GSK3A: variants seen among roughly 807,000 people sequenced by gnomAD.
The protein encoded by GSK3A is glycogen synthase kinase-3 alpha.
Under a neutral mutation model 56.6 loss-of-function variants are expected in GSK3A, and 14 were observed. The ratio of observed to expected loss-of-function variants is 0.25; its 90% CI spans 0.16 to 0.39. The LOEUF (loss-of-function observed/expected upper bound fraction) is 0.39, where lower values mean the gene tolerates loss of function less well. GSK3A is among the 10% of genes least tolerant of loss of function. The pLI, the probability that GSK3A is intolerant of heterozygous loss-of-function variation, is 1.00. For synonymous variants in GSK3A, 301 were observed against 285.0 expected, an observed-to-expected ratio of 1.06 and a Z score of -0.56; for missense variants, 450 against 656.0, an observed-to-expected ratio of 0.69 and a Z score of 3.43.
intron 8 of GSK3A, 131 bp from the exon 9 acceptor site, chr19:42,232,813 G>A (rs1000117264): frequency 1.3e-6 from 1 of 771,906 alleles, no homozygotes; most frequent in Non-Finnish European, 2.0e-6. Flanking sequence ...TCCAAATGAA[G>A]AAACTAAGGC....
rs1422015490 is a variant in GSK3A at position 42,232,559 on chromosome 19, A to G, written c.1222T>C (p.Cys408Arg). The change falls in exon 9 of 11, where the codon TGT becomes CGT. Residue 408 changes from cysteine to arginine, a missense_variant. Physicochemically the swap from Cys to Arg is radical, Grantham distance 180. Around this residue, in one of 3 missense-constraint regions of GSK3A, gnomAD observed 113 missense variants for 147.5 expected, o/e 0.77. Coordinates refer to ENST00000222330, the MANE Select transcript of GSK3A (RefSeq NM_019884.3). ...CAHSFFDELRCLGTQLPNNRP... is the reference protein window; with the variant it reads ...CAHSFFDELRRLGTQLPNNRP... ...TTGTTAGGCAGCTGGGTTCCCAGAC[A>G]TCGCAGTTCATCAAAGAAGCTGTGC... is the stretch of plus-strand genomic sequence containing the variant. 4.3e-6 allele frequency: 7 copies of G among 1,614,180 alleles called. No homozygotes were observed. In the Admixed American group the frequency reaches 8.3e-5, roughly 19 times the overall value.
At position 42,236,985 on chromosome 19, in the gene GSK3A, G is replaced by A. The variant is rs75431793; in HGVS notation, c.472-44C>T. 707 of 1,334,998 alleles carry A rather than the reference G, an allele frequency of 5.3e-4. 1 individual carries two copies. In the African/African-American group the frequency reaches 8.5e-3, roughly 16 times the overall value. 82.7% of individuals were successfully genotyped at this position (1,334,998 alleles called of 1,614,324 possible). On this transcript the variant is annotated intron_variant, in intron 2 of 10. Transcript: ENST00000222330. The stretch of plus-strand genomic sequence containing the variant: ...GTCTCAGAATACAACCAACTCTCTC[G>A]GCTGCTCCTCCCTACTCACACTCAC...
chr19:42,242,468 C>A lies in GSK3A; in HGVS notation c.-3G>T. ...CCCGAAGGCCCGCCGCCGCTCATGG[C>A]GCCGAGCACAGGCCCAGGCTGCGGG... is the stretch of plus-strand genomic sequence containing the variant. On this transcript the variant is annotated 5_prime_UTR_variant, in exon 1 of 11. Coordinates refer to ENST00000222330, the MANE Select transcript of GSK3A (RefSeq NM_019884.3). 1.1e-5 allele frequency: 13 copies of A among 1,216,648 alleles called. No individual in the cohort carries two copies. Among genetic ancestry groups the A allele is most frequent in the Non-Finnish European group, 1.3e-5 (13 of 978,636 alleles). 75.4% of individuals were successfully genotyped at this position (1,216,648 alleles called of 1,614,324 possible).
intron 1 of GSK3A, chr19:42,240,797 A>G (rs1392754417): frequency 6.6e-6 from 1 of 152,618 alleles, no homozygotes; most frequent in Non-Finnish European, 1.5e-5. Context: ...ACCCCTCACT[A>G]TATGTGGGTG....
chr19:42,235,916 A>G (rs773329229), intron 4 of GSK3A, among the ~76,000 whole-genome samples: 75 of 152,182 alleles, frequency 4.9e-4, no homozygotes, highest in Non-Finnish European at 8.8e-4. Flanking sequence ...CCACTGGTAG[A>G]GCCCACGTCG....
At position 42,234,179 on chromosome 19, in the gene GSK3A, G is replaced by A. The variant is rs1599810451; in HGVS notation, c.904+174C>T. Among the ~76,000 whole-genome samples, 1 of 152,302 alleles carries A rather than the reference G, an allele frequency of 6.6e-6. No individual in the cohort carries two copies. Among genetic ancestry groups the A allele is most frequent in the East Asian group, 1.9e-4 (1 of 5,178 alleles). Reference sequence around the variant, plus strand: ...GCCAGTGCGGGCAGGCGGCCTCACAGCTCTAAGCTCATCTGTAAAATTAGC... The same window carrying A: ...GCCAGTGCGGGCAGGCGGCCTCACAACTCTAAGCTCATCTGTAAAATTAGC... On this transcript the variant is annotated intron_variant, in intron 6 of 10. Transcript: ENST00000222330. The surrounding 1 kb of genome is among the most constrained non-coding windows in gnomAD (Gnocchi z 5.7).
rs1249759139 is a variant in GSK3A, at chr19:42,242,549, C to T, written c.-84G>A. The T allele has an allele frequency of 1.0e-6, 1 of 961,238 alleles. No individual in the cohort carries two copies. The highest frequency in any genetic ancestry group is 1.3e-6 in the Non-Finnish European group (1 of 796,226). The allele number at this position is 961,238 out of a possible 1,614,324, so 59.5% of individuals were successfully genotyped here. A position where few individuals can be genotyped will look rare whatever the true frequency, so the allele number is the denominator to read the frequency against. On this transcript the variant is annotated 5_prime_UTR_variant, in exon 1 of 11. Transcript: ENST00000222330. ...GCCGCTGCCGCCGCCTCCCCCGGGC[C>T]CTGGCCTCTTCCAGGCCGCGCCGCT...
At position 42,238,484 on chromosome 19, in the gene GSK3A, G is replaced by A. The variant is rs568205205; in HGVS notation, c.471+1471C>T. Among the ~76,000 whole-genome samples, 79 of 151,678 alleles carry A rather than the reference G, an allele frequency of 5.2e-4. 3 individuals are homozygous for A. The highest frequency in any genetic ancestry group is 3.6e-3 in the Admixed American group (55 of 15,224). ...TAGCCGAGAGTGGTGGCACACGCCT[G>A]TAGTCCCAGCTACTAGGGAGGCTGA... is the stretch of plus-strand genomic sequence containing the variant. On this transcript the variant is annotated intron_variant, in intron 2 of 10. Coordinates refer to ENST00000222330, the MANE Select transcript of GSK3A (RefSeq NM_019884.3).
rs182820512 is a variant in GSK3A, at chr19:42,234,959, T to A, written c.667-281A>T. 6.6e-6 allele frequency among the ~76,000 whole-genome samples: 1 copy of A among 152,244 alleles called. No individual in the cohort carries two copies. Among genetic ancestry groups the A allele is most frequent in the Non-Finnish European group, 1.5e-5 (1 of 68,012 alleles). On this transcript the variant is annotated intron_variant, in intron 4 of 10. Coordinates refer to ENST00000222330, the MANE Select transcript of GSK3A (RefSeq NM_019884.3). This position sits in a 1 kb window ranked among gnomAD's most constrained non-coding sequence, Gnocchi z 5.7. ...CTCGCCAACATGTTGAGATCCCGTC[T>A]CTACTAAAAATACAAAAATTAGCCG...
intron 8 of GSK3A, chr19:42,232,894 G>A: frequency 1.7e-6 from 1 of 571,574 alleles, no homozygotes; most frequent in Non-Finnish European, 3.0e-6. Context: ...TATGAGCCCT[G>A]CTGACCCTCC....
Position 42,232,131 on chromosome 19 carries a change from G to C in GSK3A, c.1304C>G (p.Ser435Cys). Residue 435 changes from serine to cysteine, a missense_variant, in exon 10 of 11, where the codon TCT (serine) becomes TGT (cysteine). This residue lies in a region of GSK3A where 113 missense variants were observed against 147.5 expected (regional missense o/e 0.77). Coordinates refer to ENST00000222330, the MANE Select transcript of GSK3A (RefSeq NM_019884.3). ...AGGAGGGATGAGAATGGCGTTGAGAGACGGTTGGATGGAGAGTTCTAGAAA... is the reference window on the plus strand; with the variant it reads ...AGGAGGGATGAGAATGGCGTTGAGACACGGTTGGATGGAGAGTTCTAGAAA... ...FSAGELSIQP[S>C]LNAILIPPHL... The C allele has an allele frequency of 6.2e-7, 1 of 1,605,372 alleles. No homozygotes were observed. The highest frequency in any genetic ancestry group is 8.5e-7 in the Non-Finnish European group (1 of 1,172,528).
At chr19:42,230,945 C>A (rs2036220016) in intron 10 of GSK3A, 78 bp from the exon 11 acceptor site, 1 of 921,282 alleles carries the variant, frequency 1.1e-6, no homozygotes, top group Non-Finnish European at 1.7e-6. Flanking sequence ...AGTAGGAATT[C>A]TCTTGTCATA....
intron 1 of GSK3A, chr19:42,241,715 T>G (rs1321083687): frequency 6.5e-6 from 1 of 152,820 alleles, no homozygotes; most frequent in East Asian, 1.9e-4. Flanking sequence ...CACAGTAACC[T>G]CAAAGCCCTG....
At chr19:42,232,389 G>A (rs1227765238) in intron 9 of GSK3A, 107 bp downstream of exon 9, 3 of 1,042,550 alleles carry the variant, frequency 2.9e-6, no homozygotes, top group Non-Finnish European at 1.4e-6. Context: ...GGCCTGCCTT[G>A]TACCCTGCCC....
At position 42,242,200 on chromosome 19, in the gene GSK3A, G is replaced by T; in HGVS notation, c.266C>A (p.Pro89His). The change falls in exon 1 of 11, where the codon CCC (proline) becomes CAC (histidine). Residue 89 changes from proline to histidine, a missense_variant. Pro to His is a moderately conservative substitution (Grantham distance 77). Around this residue, in one of 3 missense-constraint regions of GSK3A, gnomAD observed 193 missense variants for 200.5 expected, o/e 0.96. Coordinates refer to ENST00000222330, the MANE Select transcript of GSK3A (RefSeq NM_019884.3). ...GPGAGTSFPP[P>H]GVKLGRDSGK... ...GTACTCACGGCCCAGCTTCACCCCG[G>T]GCGGCGGGAAGCTAGTGCCTGCGCC... is the stretch of plus-strand genomic sequence containing the variant. The T allele has an allele frequency of 7.0e-7, 1 of 1,436,042 alleles. No homozygotes were observed. The highest frequency in any genetic ancestry group is 1.4e-5 in the South Asian group (1 of 70,672). The allele number at this position is 1,436,042 out of a possible 1,614,324, so 89.0% of individuals were successfully genotyped here.
At position 42,230,494 on chromosome 19, in the gene GSK3A, G is replaced by A. The variant is rs1396512296; in HGVS notation, c.*300C>T. The A allele has an allele frequency of 4.3e-6, 2 of 462,680 alleles. No homozygotes were observed. The highest frequency in any genetic ancestry group is 7.8e-6 in the Non-Finnish European group (2 of 255,676). 28.7% of individuals were successfully genotyped at this position (462,680 alleles called of 1,614,324 possible). A position where few individuals can be genotyped will look rare whatever the true frequency, so the allele number is the denominator to read the frequency against. ...TATTTACAAGGGACACAGGAGGGGA[G>A]GGGGTCTGGAGGAGGTGGAGGTCTG... On this transcript the variant is annotated 3_prime_UTR_variant, in exon 11 of 11. Transcript: ENST00000222330.
intron 2 of GSK3A, 45 bp downstream of exon 2, chr19:42,239,910 A>C: frequency 6.5e-7 from 1 of 1,531,056 alleles, no homozygotes; most frequent in African/African-American, 1.4e-5. Context: ...CCCACCAGTC[A>C]CACCCAGTCC....
chr19:42,232,789 C>T, intron 8 of GSK3A, 107 bp from the exon 9 acceptor site: 1 of 890,334 alleles, frequency 1.1e-6, no homozygotes, highest in Non-Finnish European at 1.7e-6. Flanking sequence ...TGGTTGCTTC[C>T]CACACCCCCA....
In GSK3A at chr19:42,232,652, T is replaced by C; in HGVS notation, c.1129A>G (p.Ile377Val). 6.3e-7 allele frequency: 1 copy of C among 1,598,392 alleles called. No homozygotes were observed. Among genetic ancestry groups the C allele is most frequent in the Non-Finnish European group, 8.5e-7 (1 of 1,170,176 alleles). The part of the protein sequence containing the change: ...VFKSRTPPEA[I>V]ALCSSLLEYT... ...TCCAGCAGGCTAGAGCAGAGCGCGA[T>C]GGCCTCTGGCGGCGTTCGAGATTTG... is the stretch of plus-strand genomic sequence containing the variant. The change falls in exon 9 of 11, where the codon ATC becomes GTC. Residue 377 changes from isoleucine to valine, a missense_variant. This residue lies in a region of GSK3A where 113 missense variants were observed against 147.5 expected (regional missense o/e 0.77). Transcript: ENST00000222330.
Sources: allele counts gnomAD v4.1 joint callset (sites outside exome capture counted in the v4.1 genomes callset), GRCh38; gene constraint gnomAD v4.1.1; regional missense constraint gnomAD v4.1.1; non-coding constraint Gnocchi (gnomAD v3.1); transcripts MANE v1.5; gene names NCBI Gene and HGNC (gene_info 2026-07-23, HGNC 2026-07-21).